Variants in QKI observed in about 807,000 individuals in gnomAD.
The protein encoded by QKI is KH domain-containing RNA-binding protein QKI.
A neutral mutation model predicts 39.0 loss-of-function variants in QKI; 10 were observed. The observed-to-expected ratio is 0.26, with a 90% CI of 0.16 to 0.43. The LOEUF is 0.43. QKI is among the 20% of genes least tolerant of loss of function. QKI has a pLI of 1.00. For missense variants in QKI, 218 were observed against 428.0 expected (o/e 0.51, Z 4.33); for synonymous variants, 204 against 155.4 (o/e 1.31, Z -2.33).
chr6:163,514,175 C>T (rs1041888844), intron 3 of QKI, among the ~76,000 whole-genome samples: 8 of 152,078 alleles, frequency 5.3e-5, no homozygotes, highest in African/African-American at 1.7e-4. Flanking sequence ...TGGCTTACTG[C>T]TGCCTAGCTT....
In QKI at chr6:163,572,720, C is replaced by T. The variant is rs1783775727; in HGVS notation, c.*2010C>T. 1 of 143,216 alleles carries T rather than the reference C, an allele frequency of 7.0e-6. No homozygotes were observed. The highest frequency in any genetic ancestry group is 2.6e-5 in the African/African-American group (1 of 38,422). 8.9% of individuals were successfully genotyped at this position (143,216 alleles called of 1,614,324 possible). A position where few individuals can be genotyped will look rare whatever the true frequency, so the allele number is the denominator to read the frequency against. On this transcript the variant is annotated 3_prime_UTR_variant, in exon 8 of 8. Transcript: ENST00000361752. ...ACTCGTCCCCTCTTCCACACCTTCC[C>T]AGCATCACAGTCAGAGGTCAGCAGG...
Position 163,534,969 on chromosome 6 carries a change from G to A in QKI, c.403-13G>A. 3 of 1,586,148 alleles carry A rather than the reference G, an allele frequency of 1.9e-6. No homozygotes were observed. The highest frequency in any genetic ancestry group is 3.6e-5 in the Admixed American group (2 of 55,570). On this transcript the variant is annotated splice_polypyrimidine_tract_variant and intron_variant, in intron 3 of 7. Coordinates refer to ENST00000361752, the MANE Select transcript of QKI (RefSeq NM_006775.3). ...GAGAATAATTTTAATCATGTACTCT[G>A]TAAATTTTTTAGGAGGAGCAAAATA...
Position 163,570,882 on chromosome 6 carries a change from C to A in QKI, c.*172C>A. 1 of 900,844 alleles carries A rather than the reference C, an allele frequency of 1.1e-6. No individual in the cohort carries two copies. The highest frequency in any genetic ancestry group is 1.6e-6 in the Non-Finnish European group (1 of 621,234). The allele number at this position is 900,844 out of a possible 1,614,324, so 55.8% of individuals were successfully genotyped here. On this transcript the variant is annotated 3_prime_UTR_variant, in exon 8 of 8. Coordinates refer to ENST00000361752, the MANE Select transcript of QKI (RefSeq NM_006775.3). ...AAACAAAAGACAAAGAAATTGTTGTCCTCCAACTCAGCTTTTTTTTTTTTT... is the reference window on the plus strand; with the variant it reads ...AAACAAAAGACAAAGAAATTGTTGTACTCCAACTCAGCTTTTTTTTTTTTT...
chr6:163,508,726 A>C (rs1343885570), intron 3 of QKI, among the ~76,000 whole-genome samples: 1 of 150,838 alleles, frequency 6.6e-6, no homozygotes, highest in Non-Finnish European at 1.5e-5. Context: ...ATGGGGTTTC[A>C]CCATGTTGCC....
chr6:163,453,683 A>G (rs527880801), intron 1 of QKI, among the ~76,000 whole-genome samples: 2 of 152,302 alleles, frequency 1.3e-5, no homozygotes, highest in Non-Finnish European at 2.9e-5. Flanking sequence ...ACCTTAGGAA[A>G]TAATAAAATT....
chr6:163,454,981 A>C (rs531783726), intron 1 of QKI, among the ~76,000 whole-genome samples: 41 of 152,346 alleles, frequency 2.7e-4, no homozygotes, highest in Middle Eastern at 3.4e-3. Flanking sequence ...ACTTGGAAAA[A>C]TTAGATGAAC....
At chr6:163,495,146 C>T (rs191163575) in intron 3 of QKI, among the ~76,000 whole-genome samples, 2 of 152,234 alleles carry the variant, frequency 1.3e-5, no homozygotes, top group African/African-American at 4.8e-5. Flanking sequence ...AACTCCTGAC[C>T]TCAAGTGATC....
Position 163,566,043 on chromosome 6 carries a change from C to A in QKI, c.935-678C>A. 1.9e-6 allele frequency: 3 copies of A among 1,578,742 alleles called. No individual in the cohort carries two copies. In the South Asian group the frequency reaches 3.4e-5, roughly 18 times the overall value. On this transcript the variant is annotated intron_variant, in intron 6 of 7. Coordinates refer to ENST00000361752, the MANE Select transcript of QKI (RefSeq NM_006775.3). Reference sequence around the variant, plus strand: ...ACAAATGCTTAGTCTCAGCAGCCTCCGGGGGAAAAAAGCTTAGCCTAGCAG... The same window carrying A: ...ACAAATGCTTAGTCTCAGCAGCCTCAGGGGGAAAAAAGCTTAGCCTAGCAG...
intron 3 of QKI, among the ~76,000 whole-genome samples, chr6:163,488,044 G>T (rs986999465): frequency 1.3e-5 from 2 of 152,078 alleles, no homozygotes; most frequent in Non-Finnish European, 2.9e-5. Context: ...AAGAATGAGT[G>T]TTTCCCTGCC....
chr6:163,531,823 A>G (rs1245255287), intron 3 of QKI, among the ~76,000 whole-genome samples: 1 of 152,200 alleles, frequency 6.6e-6, no homozygotes, highest in East Asian at 1.9e-4. Flanking sequence ...TACATTTTAA[A>G]CTCTGCAGTG....
At chr6:163,450,479 G>T (rs1790477180) in intron 1 of QKI, among the ~76,000 whole-genome samples, 1 of 152,186 alleles carries the variant, frequency 6.6e-6, no homozygotes. Flanking sequence ...TGAGGCTGTT[G>T]AAACATGAAA....
intron 3 of QKI, among the ~76,000 whole-genome samples, chr6:163,495,295 G>A (rs1176822824): frequency 6.6e-6 from 1 of 152,200 alleles, no homozygotes; most frequent in Non-Finnish European, 1.5e-5. Flanking sequence ...CCAGAGGTTT[G>A]TGGGAACCAA....
chr6:163,549,787 G>A (rs1262842260), intron 4 of QKI, among the ~76,000 whole-genome samples: 3 of 152,258 alleles, frequency 2.0e-5, no homozygotes, highest in Admixed American at 6.5e-5. Flanking sequence ...ACATATATTA[G>A]TATGCAATTG....
intron 2 of QKI, among the ~76,000 whole-genome samples, chr6:163,472,121 A>G (rs762940450): frequency 6.6e-6 from 1 of 152,172 alleles, no homozygotes; most frequent in Admixed American, 6.5e-5. Flanking sequence ...GTAACTACTG[A>G]TAGCCTACTG....
At chr6:163,422,024 G>A (rs1457672392) in intron 1 of QKI, among the ~76,000 whole-genome samples, 2 of 151,896 alleles carry the variant, frequency 1.3e-5, no homozygotes, top group Admixed American at 1.3e-4. Flanking sequence ...TGACCGCCTC[G>A]GCCTCCCAAA....
At chr6:163,508,350 G>GT (rs1254287814) in intron 3 of QKI, among the ~76,000 whole-genome samples, 1 of 152,232 alleles carries the variant, frequency 6.6e-6, no homozygotes, top group African/African-American at 2.4e-5. Context: ...GGGTAAAACT[G>GT]TGAAAAGCCG....
chr6:163,432,951 A>AG (rs1788952228), intron 1 of QKI, among the ~76,000 whole-genome samples: 1 of 152,230 alleles, frequency 6.6e-6, no homozygotes, highest in African/African-American at 2.4e-5. Context: ...ATAACCAAAC[A>AG]GGGTAGTGAG....
intron 1 of QKI, among the ~76,000 whole-genome samples, chr6:163,453,805 AG>A (rs1489321749): frequency 6.6e-6 from 1 of 152,180 alleles, no homozygotes; most frequent in East Asian, 1.9e-4. Flanking sequence ...GTTATTTAAG[AG>A]ATAAAATTTG....
At chr6:163,431,139 T>C (rs1394062979) in intron 1 of QKI, among the ~76,000 whole-genome samples, 3 of 152,256 alleles carry the variant, frequency 2.0e-5, no homozygotes, top group South Asian at 4.1e-4. Flanking sequence ...AATCTTAATT[T>C]TGAATGAGAG....
Sources: gnomAD v4.1 joint callset for allele counts (sites outside exome capture counted in the v4.1 genomes callset) on GRCh38, gnomAD v4.1.1 for gene constraint, MANE v1.5 for transcripts, NCBI Gene and HGNC (gene_info 2026-07-23, HGNC 2026-07-21) for gene names.